The following AP3D1 variants were observed in gnomAD, a reference collection of about 807,000 sequenced individuals.
AP3D1 encodes the protein adaptor related protein complex 3 subunit delta 1.
A neutral mutation model predicts 147.6 loss-of-function variants in AP3D1; 51 were observed. The ratio of observed to expected loss-of-function variants is 0.35; its 90% CI spans 0.28 to 0.44. The LOEUF (loss-of-function observed/expected upper bound fraction) is 0.44. Ranked by LOEUF, AP3D1 falls within the 20% of genes least tolerant of loss-of-function variation. AP3D1 has a pLI of 1.00. For synonymous variants in AP3D1, 760 were observed against 663.0 expected, an observed-to-expected ratio of 1.15 and a Z score of -2.25; for missense variants, 1,421 against 1,624.2, an observed-to-expected ratio of 0.87 and a Z score of 2.15.
chr19:2,157,136 C>T (rs577855632), intron 1 of AP3D1, among the ~76,000 whole-genome samples: 3 of 150,878 alleles, frequency 2.0e-5, no homozygotes, highest in African/African-American at 4.9e-5. Context: ...CCATCCACAA[C>T]GTTTCTTGAA....
rs768077171 is a variant in AP3D1 at position 2,151,219 on chromosome 19, C to G, written c.96+20G>C. 6.2e-7 allele frequency: 1 copy of G among 1,605,558 alleles called. No homozygotes were observed. The highest frequency in any genetic ancestry group is 1.1e-5 in the South Asian group (1 of 89,928). On this transcript the variant is annotated intron_variant, in intron 1 of 31. Coordinates refer to ENST00000643116, the MANE Select transcript of AP3D1 (RefSeq NM_001261826.3). ...GGGGCTGTGACCAGGCCGAGCAGCC[C>G]CTTGGCGCGCCGGGCTCACCTCGTC... is the stretch of plus-strand genomic sequence containing the variant.
intron 11 of AP3D1, 91 bp downstream of exon 11, chr19:2,123,267 C>A: frequency 7.7e-7 from 1 of 1,302,382 alleles, no homozygotes; most frequent in South Asian, 1.3e-5. Context: ...GTTGCAGATG[C>A]CGTGTCCACT....
At chr19:2,160,782 C>T (rs748535734) in intron 1 of AP3D1, among the ~76,000 whole-genome samples, 7 of 152,176 alleles carry the variant, frequency 4.6e-5, no homozygotes, top group Non-Finnish European at 7.3e-5. Flanking sequence ...TGGAGAACCA[C>T]GGACATCAGG....
rs2018250510 is a variant in AP3D1, at chr19:2,110,761, G to C, written c.3121C>G (p.Pro1041Ala). Residue 1041 changes from proline (P) to alanine (A), a missense_variant, in exon 27 of 32, where the codon CCG (proline) becomes GCG (alanine). By Grantham distance (27) the Pro-to-Ala change is conservative. Coordinates refer to ENST00000643116, the MANE Select transcript of AP3D1 (RefSeq NM_001261826.3). ...CCATCGTGGACGGAGGAGCCCTGCG[G>C]CCGGGCCATCCTGGCATTGAGTGAG... is the stretch of plus-strand genomic sequence containing the variant. ...LDSLNARMARPQGSSVHDGVP... is the reference protein window; with the variant it reads ...LDSLNARMARAQGSSVHDGVP... The C allele has an allele frequency of 1.2e-6, 2 of 1,611,862 alleles. No individual in the cohort carries two copies. The highest frequency in any genetic ancestry group is 2.7e-5 in the African/African-American group (2 of 74,884).
chr19:2,158,673 C>T (rs763587412), intron 1 of AP3D1, among the ~76,000 whole-genome samples: 6 of 151,550 alleles, frequency 4.0e-5, no homozygotes, highest in Non-Finnish European at 5.9e-5. Context: ...CGGCGCAATC[C>T]GCTTACTGCA....
chr19:2,134,315 G>A (rs969497391), intron 4 of AP3D1, among the ~76,000 whole-genome samples: 1 of 151,990 alleles, frequency 6.6e-6, no homozygotes, highest in African/African-American at 2.4e-5. Flanking sequence ...CAGCTACTCA[G>A]GAGGCTAAGG....
intron 1 of AP3D1, among the ~76,000 whole-genome samples, chr19:2,145,587 G>A (rs2019334891): frequency 6.6e-6 from 1 of 152,158 alleles, no homozygotes; most frequent in African/African-American, 2.4e-5. Context: ...ACAGTGCCAC[G>A]GCTGGGCCAG....
chr19:2,142,019 T>TAC (rs1214225572), intron 1 of AP3D1, among the ~76,000 whole-genome samples: 1 of 150,932 alleles, frequency 6.6e-6, no homozygotes, highest in African/African-American at 2.4e-5. Flanking sequence ...TTTATTTATA[T>TAC]ATATATATGT....
In AP3D1 at chr19:2,114,230, C is replaced by G. The variant is rs1488847672; in HGVS notation, c.2496G>C (p.Lys832Asn). The G allele has an allele frequency of 4.3e-6, 7 of 1,613,220 alleles. No homozygotes were observed. Among genetic ancestry groups the G allele is most frequent in the Non-Finnish European group, 5.1e-6 (6 of 1,179,722 alleles). The change falls in exon 22 of 32, where the codon AAG (lysine) becomes AAC (asparagine). Residue 832 changes from lysine (K) to asparagine (N), a missense_variant. By Grantham distance (94) the Lys-to-Asn change is moderately conservative. Coordinates refer to ENST00000643116, the MANE Select transcript of AP3D1 (RefSeq NM_001261826.3). ...RNTETSKSPE[K>N]DVPMVEKKSK... The stretch of plus-strand genomic sequence containing the variant: ...TCTTCTTTTCTACCATGGGAACGTC[C>G]TTCTCAGGGGATTTTGAGGTCTCGG...
At chr19:2,119,945 T>C (rs567571260) in intron 14 of AP3D1, among the ~76,000 whole-genome samples, 8 of 152,068 alleles carry the variant, frequency 5.3e-5, no homozygotes, top group East Asian at 3.9e-4. Context: ...AGCCAGACTC[T>C]GTCTCGGGGC....
intron 31 of AP3D1, among the ~76,000 whole-genome samples, chr19:2,107,241 C>G (rs2018135653): frequency 6.8e-6 from 1 of 148,082 alleles, no homozygotes; most frequent in Admixed American, 6.8e-5. Flanking sequence ...GCCTGGGCGA[C>G]AGAGTGAGAC....
At chr19:2,107,779 C>G (rs562142515) in intron 31 of AP3D1, among the ~76,000 whole-genome samples, 32 of 149,944 alleles carry the variant, frequency 2.1e-4, no homozygotes, top group Non-Finnish European at 2.5e-4. Flanking sequence ...AATGGTTCTA[C>G]CCAGGAGAAC....
intron 25 of AP3D1, 41 bp from the exon 26 acceptor site, chr19:2,111,373 C>T (rs2018271841): frequency 6.2e-7 from 1 of 1,612,194 alleles, no homozygotes; most frequent in Non-Finnish European, 8.5e-7. Context: ...GGGCCCCGAG[C>T]TCCGTCTCAG....
intron 31 of AP3D1, among the ~76,000 whole-genome samples, chr19:2,103,251 G>GGAGC (rs1356153290): frequency 6.6e-6 from 1 of 152,192 alleles, no homozygotes; most frequent in Non-Finnish European, 1.5e-5. Flanking sequence ...CTCGGGTGAG[G>GGAGC]GAGCGGCCCA....
chr19:2,130,057 G>A (rs752354306), intron 6 of AP3D1, among the ~76,000 whole-genome samples: 1 of 152,218 alleles, frequency 6.6e-6, no homozygotes, highest in Non-Finnish European at 1.5e-5. Context: ...GCTACACTAG[G>A]TGGAGGCAGC....
At chr19:2,129,235 G>T in intron 7 of AP3D1, 72 bp from the exon 8 acceptor site, 1 of 1,611,232 alleles carries the variant, frequency 6.2e-7, no homozygotes, top group Non-Finnish European at 8.5e-7. Flanking sequence ...GGGGGGCCTC[G>T]GTCACCCGCA....
At chr19:2,137,925 C>A in intron 2 of AP3D1, 118 bp from the exon 3 acceptor site, 1 of 797,216 alleles carries the variant, frequency 1.3e-6, no homozygotes. Flanking sequence ...CATTCACTGT[C>A]AGCAAACCAC....
chr19:2,110,111 C>A, intron 28 of AP3D1, 25 bp downstream of exon 28: 1 of 1,609,364 alleles, frequency 6.2e-7, no homozygotes, highest in South Asian at 1.1e-5. Context: ...GTCGGCTCTT[C>A]AACGCCAAGT....
At chr19:2,119,478 G>A (rs1288224394) in intron 14 of AP3D1, among the ~76,000 whole-genome samples, 1 of 152,060 alleles carries the variant, frequency 6.6e-6, no homozygotes, top group Non-Finnish European at 1.5e-5. Flanking sequence ...CGGATCATGA[G>A]GTCAACAGAT....
Sources: gnomAD v4.1 joint callset for allele counts (sites outside exome capture counted in the v4.1 genomes callset) on GRCh38, gnomAD v4.1.1 for gene constraint, MANE v1.5 for transcripts, NCBI Gene and HGNC (gene_info 2026-07-23, HGNC 2026-07-21) for gene names.